CDH13: variants seen among roughly 807,000 people sequenced by gnomAD.
CDH13 encodes the protein cadherin 13.
In CDH13, 24 loss-of-function variants were observed where a neutral mutation model predicts 63.8. That is an observed-to-expected ratio of 0.38 (90% confidence interval 0.27 to 0.53). The LOEUF (loss-of-function observed/expected upper bound fraction) is 0.53. Ranked by LOEUF, CDH13 falls within the 20% of genes least tolerant of loss-of-function variation. CDH13 has a pLI of 0.85. For missense variants in CDH13, 1,049 were observed against 903.1 expected (o/e 1.16, Z -2.07); for synonymous variants, 503 against 355.3 (o/e 1.42, Z -4.67).
intron 11 of CDH13, among the ~76,000 whole-genome samples, chr16:83,764,350 C>T (rs1597197570): frequency 6.6e-6 from 1 of 152,206 alleles, no homozygotes; most frequent in African/African-American, 2.4e-5. Flanking sequence ...GCTGAATGGG[C>T]AGGTGGAAGC....
At chr16:82,799,585 CTTAGTA>C (rs2151157134) in intron 1 of CDH13, among the ~76,000 whole-genome samples, 1 of 152,286 alleles carries the variant, frequency 6.6e-6, no homozygotes, top group East Asian at 1.9e-4. Flanking sequence ...AAAACTCTTA[CTTAGTA>C]TTAGTTTATT....
intron 6 of CDH13, among the ~76,000 whole-genome samples, chr16:83,349,472 G>A (rs372405993): frequency 2.6e-5 from 4 of 152,274 alleles, no homozygotes; most frequent in African/African-American, 9.6e-5. Flanking sequence ...TCCCACAGAA[G>A]CAGGCCCTGA....
intron 7 of CDH13, among the ~76,000 whole-genome samples, chr16:83,499,891 C>G (rs2074231366): frequency 6.6e-6 from 1 of 152,218 alleles, no homozygotes; most frequent in East Asian, 1.9e-4. Flanking sequence ...CAATCTCCAC[C>G]TCCCGGGTTC....
chr16:83,648,143 T>C (rs1912012768), intron 8 of CDH13, among the ~76,000 whole-genome samples: 1 of 152,122 alleles, frequency 6.6e-6, no homozygotes, highest in African/African-American at 2.4e-5. Context: ...ACCAAAGCCA[T>C]ACCTTGGAAG....
At chr16:83,173,976 T>C (rs1338181142) in intron 4 of CDH13, among the ~76,000 whole-genome samples, 1 of 152,018 alleles carries the variant, frequency 6.6e-6, no homozygotes, top group Non-Finnish European at 1.5e-5. Context: ...CACACCAGCA[T>C]GTAGAGATAT....
intron 7 of CDH13, among the ~76,000 whole-genome samples, chr16:83,532,069 G>A (rs1345018009): frequency 1.3e-5 from 2 of 152,118 alleles, no homozygotes; most frequent in South Asian, 2.1e-4. Flanking sequence ...AGATCTGATG[G>A]TTTTATAAAG....
chr16:83,635,424 A>G lies in CDH13; in HGVS notation c.1101+32830A>G, dbSNP rs557073748. 4.6e-3 allele frequency among the ~76,000 whole-genome samples: 579 copies of G among 127,032 alleles called. 2 individuals are homozygous for G. The highest frequency in any genetic ancestry group is 6.3e-3 in the Non-Finnish European group (403 of 64,224). 83.3% of individuals were successfully genotyped at this position (127,032 alleles called of 152,430 possible). A position where few individuals can be genotyped will look rare whatever the true frequency, so the allele number is the denominator to read the frequency against. ...AGGGGTGTGACCTCGGCTCACCACAACCTCCGCTTCCTGGGGTCAAGTGAT... is the reference window on the plus strand; with the variant it reads ...AGGGGTGTGACCTCGGCTCACCACAGCCTCCGCTTCCTGGGGTCAAGTGAT... On this transcript the variant is annotated intron_variant, in intron 8 of 13. Coordinates refer to ENST00000567109, the MANE Select transcript of CDH13 (RefSeq NM_001257.5).
chr16:83,712,657 C>G (rs1163128323), intron 10 of CDH13, among the ~76,000 whole-genome samples: 1 of 152,190 alleles, frequency 6.6e-6, no homozygotes, highest in Non-Finnish European at 1.5e-5. Context: ...TTATATTTTA[C>G]TTATGTTATT....
At chr16:83,393,382 A>G (rs1467687073) in intron 6 of CDH13, among the ~76,000 whole-genome samples, 1 of 152,178 alleles carries the variant, frequency 6.6e-6, no homozygotes, top group Non-Finnish European at 1.5e-5. Flanking sequence ...ATGATGATGG[A>G]TGACTGGCTC....
intron 2 of CDH13, among the ~76,000 whole-genome samples, chr16:82,997,662 C>T (rs1320882983): frequency 6.6e-6 from 1 of 152,122 alleles, no homozygotes; most frequent in Non-Finnish European, 1.5e-5. Flanking sequence ...GGTGAAAATA[C>T]TGGGCACAAG....
At chr16:82,819,409 C>T (rs2037887801) in intron 1 of CDH13, among the ~76,000 whole-genome samples, 2 of 152,156 alleles carry the variant, frequency 1.3e-5, no homozygotes, top group South Asian at 2.1e-4. Flanking sequence ...AAGGCATGGA[C>T]TAGGGAGTCA....
chr16:83,534,858 G>A (rs1182449227), intron 7 of CDH13, among the ~76,000 whole-genome samples: 1 of 152,196 alleles, frequency 6.6e-6, no homozygotes, highest in Admixed American at 6.5e-5. Flanking sequence ...GGTCATCAAA[G>A]CCATGATTTT....
chr16:82,735,428 C>G (rs572170839), intron 1 of CDH13, among the ~76,000 whole-genome samples: 1 of 152,312 alleles, frequency 6.6e-6, no homozygotes, highest in Admixed American at 6.5e-5. Context: ...TGTTGCTAAA[C>G]TTGGCATGAA....
At chr16:83,606,404 A>C (rs999137594) in intron 8 of CDH13, among the ~76,000 whole-genome samples, 5 of 152,186 alleles carry the variant, frequency 3.3e-5, no homozygotes, top group Non-Finnish European at 5.9e-5. Flanking sequence ...TAGAAATAAC[A>C]CTGTTGAACA....
intron 2 of CDH13, among the ~76,000 whole-genome samples, chr16:82,984,247 A>C (rs1216924324): frequency 6.6e-6 from 1 of 152,184 alleles, no homozygotes; most frequent in African/African-American, 2.4e-5. Context: ...TGAAAACCAC[A>C]CTGCTTTGTT....
intron 10 of CDH13, among the ~76,000 whole-genome samples, chr16:83,700,176 A>G (rs535852598): frequency 4.0e-4 from 61 of 152,334 alleles, no homozygotes; most frequent in African/African-American, 1.5e-3. Flanking sequence ...AAATTGAATC[A>G]TAAAGTATGC....
chr16:83,088,228 A>G (rs2033711477), intron 3 of CDH13, among the ~76,000 whole-genome samples: 1 of 152,136 alleles, frequency 6.6e-6, no homozygotes, highest in Non-Finnish European at 1.5e-5. Flanking sequence ...CAACTCTGAC[A>G]TGTTATTTCC....
At chr16:82,659,908 C>A (rs1473775565) in intron 1 of CDH13, among the ~76,000 whole-genome samples, 2 of 152,110 alleles carry the variant, frequency 1.3e-5, no homozygotes, top group Non-Finnish European at 2.9e-5. Context: ...CCAAAAATGT[C>A]TCCAGACATT....
intron 7 of CDH13, among the ~76,000 whole-genome samples, chr16:83,531,133 G>A (rs1355086670): frequency 6.6e-6 from 1 of 152,202 alleles, no homozygotes; most frequent in Non-Finnish European, 1.5e-5. Flanking sequence ...CACCATGGTA[G>A]CACATCCTCT....
Sources: allele counts gnomAD v4.1 joint callset (sites outside exome capture counted in the v4.1 genomes callset), GRCh38; gene constraint gnomAD v4.1.1; transcripts MANE v1.5; gene names NCBI Gene and HGNC (gene_info 2026-07-23, HGNC 2026-07-21).